APBA1: variants seen among roughly 807,000 people sequenced by gnomAD.
The protein encoded by APBA1 is amyloid beta precursor protein binding family A member 1.
In APBA1, 55 loss-of-function variants were observed where a neutral mutation model predicts 86.6. The ratio of observed to expected loss-of-function variants is 0.64; its 90% CI spans 0.51 to 0.80. The LOEUF (loss-of-function observed/expected upper bound fraction) is 0.80. Among genes scored for constraint, APBA1 ranks in the 30% least tolerant of loss-of-function variants. The pLI, the probability that APBA1 is intolerant of heterozygous loss-of-function variation, is 0.00. For missense variants in APBA1, 1,090 were observed against 1,183.0 expected, an observed-to-expected ratio of 0.92 and a Z score of 1.15; for synonymous variants, 511 against 493.9, an observed-to-expected ratio of 1.03 and a Z score of -0.46.
chr9:69,576,720 C>G (rs918713944), intron 1 of APBA1, among the ~76,000 whole-genome samples: 1 of 151,632 alleles, frequency 6.6e-6, no homozygotes, highest in African/African-American at 2.4e-5. Flanking sequence ...GTAGGGGGAG[C>G]GGGGAGGGAT....
intron 10 of APBA1, among the ~76,000 whole-genome samples, chr9:69,441,657 T>C (rs1834826594): frequency 6.6e-6 from 1 of 152,142 alleles, no homozygotes; most frequent in Non-Finnish European, 1.5e-5. Context: ...CAGTTAGAGA[T>C]TTTATAGCTG....
intron 1 of APBA1, among the ~76,000 whole-genome samples, chr9:69,543,647 T>C (rs1836654161): frequency 6.6e-6 from 1 of 152,206 alleles, no homozygotes; most frequent in Non-Finnish European, 1.5e-5. Flanking sequence ...TAGGAACTAG[T>C]TGTTATATTA....
At chr9:69,511,511 G>A (rs1414128871) in intron 2 of APBA1, among the ~76,000 whole-genome samples, 1 of 152,022 alleles carries the variant, frequency 6.6e-6, no homozygotes, top group Non-Finnish European at 1.5e-5. Flanking sequence ...GGAAGTCAGT[G>A]TGGCGATTCC....
chr9:69,439,646 G>T (rs1275182354), intron 11 of APBA1, among the ~76,000 whole-genome samples: 1 of 152,102 alleles, frequency 6.6e-6, no homozygotes, highest in Admixed American at 6.5e-5. Flanking sequence ...GGTCCTTTAA[G>T]GACTTCTCTG....
intron 1 of APBA1, among the ~76,000 whole-genome samples, chr9:69,657,143 C>T (rs1335671475): frequency 6.6e-6 from 1 of 152,086 alleles, no homozygotes; most frequent in Non-Finnish European, 1.5e-5. Context: ...CCGCGCCCGG[C>T]CTAACCGGGA....
At chr9:69,545,762 A>G (rs537091220) in intron 1 of APBA1, among the ~76,000 whole-genome samples, 33 of 152,328 alleles carry the variant, frequency 2.2e-4, no homozygotes, top group African/African-American at 7.9e-4. Flanking sequence ...TGATGATTTT[A>G]TAATGTCCTG....
intron 2 of APBA1, among the ~76,000 whole-genome samples, chr9:69,500,290 G>A (rs967494599): frequency 2.0e-5 from 3 of 152,102 alleles, no homozygotes; most frequent in African/African-American, 7.2e-5. Flanking sequence ...AATGTTAAGT[G>A]AGCTTTGACT....
intron 5 of APBA1, chr9:69,463,167 G>T (rs1473784715): frequency 6.6e-6 from 1 of 152,170 alleles, no homozygotes; most frequent in Non-Finnish European, 1.5e-5. Flanking sequence ...AATTGTGGTA[G>T]ATGGAAAAGC....
intron 1 of APBA1, among the ~76,000 whole-genome samples, chr9:69,626,049 A>C (rs1455515970): frequency 6.6e-6 from 1 of 152,198 alleles, no homozygotes; most frequent in Non-Finnish European, 1.5e-5. Context: ...AGGAAAAAGC[A>C]ATTTGTTAAG....
chr9:69,528,959 C>G (rs1564067794), intron 1 of APBA1, among the ~76,000 whole-genome samples: 2 of 151,898 alleles, frequency 1.3e-5, no homozygotes, highest in South Asian at 4.2e-4. Flanking sequence ...AAATTTACTG[C>G]TATTGTTATG....
chr9:69,517,159 C>T lies in APBA1; in HGVS notation c.52G>A (p.Gly18Ser), dbSNP rs1836178278. ...AEVEVTDEAA[G>S]GEVNESVEAD... ...TCCACCGACTCGTTCACCTCCCCAC[C>T]TGCCGCCTCGTCGGTCACCTCCACC... The change falls in exon 2 of 13, where the codon GGT (glycine) becomes AGT (serine). Residue 18 changes from glycine (G) to serine (S), a missense_variant. By Grantham distance (56) the Gly-to-Ser change is moderately conservative. Around this residue, in one of 6 missense-constraint regions of APBA1, gnomAD observed 678 missense variants for 647.1 expected, o/e 1.05. Coordinates refer to ENST00000265381, the MANE Select transcript of APBA1 (RefSeq NM_001163.4). 1 of 1,559,882 alleles carries T rather than the reference C, an allele frequency of 6.4e-7. No individual in the cohort carries two copies. The highest frequency in any genetic ancestry group is 1.9e-5 in the Admixed American group (1 of 53,172).
chr9:69,619,526 GT>G (rs1329854845), intron 1 of APBA1, among the ~76,000 whole-genome samples: 1 of 152,140 alleles, frequency 6.6e-6, no homozygotes, highest in Non-Finnish European at 1.5e-5. Context: ...AAAACTCAAA[GT>G]ATGCAGATGG....
At chr9:69,457,641 C>T (rs1054351790) in intron 6 of APBA1, among the ~76,000 whole-genome samples, 1 of 152,082 alleles carries the variant, frequency 6.6e-6, no homozygotes, top group Non-Finnish European at 1.5e-5. Context: ...CAGAAGCAGT[C>T]CTGAAGCCAC....
intron 1 of APBA1, among the ~76,000 whole-genome samples, chr9:69,545,848 T>C (rs574736143): frequency 6.6e-6 from 1 of 152,338 alleles, no homozygotes; most frequent in Admixed American, 6.5e-5. Flanking sequence ...AAGATATTTT[T>C]GCCAATTAAC....
chr9:69,441,096 C>T lies in APBA1; in HGVS notation c.2201G>A (p.Arg734Gln), dbSNP rs777572294. 1.2e-5 allele frequency: 19 copies of T among 1,613,872 alleles called. No homozygotes were observed. Among genetic ancestry groups the T allele is most frequent in the South Asian group, 6.6e-5 (6 of 91,056 alleles). The stretch of plus-strand genomic sequence containing the variant: ...ACATCTCACGATATTCAGCTTGACT[C>T]GGGACTGATTCTTTAAGCCCTTAAA... ...SIIKGLKNQS[R>Q]VKLNIVRCPP... is the part of the protein sequence containing the mutation. Residue 734 changes from arginine to glutamine, a missense_variant, in exon 11 of 13, where the codon CGA (arginine) becomes CAA (glutamine). Coordinates refer to ENST00000265381, the MANE Select transcript of APBA1 (RefSeq NM_001163.4).
rs933870139 is a variant in APBA1 at position 69,428,348 on chromosome 9, T to C, written c.*2979A>G. ...GCCATGCACTCCTAGGAGCCTGCTC[T>C]GGCGAGGGAAGGTGTCGCTGGAGAA... On this transcript the variant is annotated 3_prime_UTR_variant, in exon 13 of 13. Transcript: ENST00000265381. The C allele has an allele frequency of 6.6e-6, 1 of 152,284 alleles. No individual in the cohort carries two copies. Among genetic ancestry groups the C allele is most frequent in the African/African-American group, 2.4e-5 (1 of 41,440 alleles). 9.4% of individuals were successfully genotyped at this position (152,284 alleles called of 1,614,324 possible).
intron 2 of APBA1, among the ~76,000 whole-genome samples, chr9:69,487,780 G>A (rs1030680179): frequency 3.3e-5 from 5 of 151,902 alleles, no homozygotes; most frequent in Non-Finnish European, 5.9e-5. Context: ...CTCCAACTTG[G>A]ACTTCCCAGC....
At chr9:69,506,108 G>C (rs1835958276) in intron 2 of APBA1, among the ~76,000 whole-genome samples, 1 of 151,960 alleles carries the variant, frequency 6.6e-6, no homozygotes, top group Non-Finnish European at 1.5e-5. Flanking sequence ...CTCCCAGCGA[G>C]AGCGACACAG....
chr9:69,640,959 A>G (rs1823275433), intron 1 of APBA1, among the ~76,000 whole-genome samples: 1 of 25,126 alleles, frequency 4.0e-5, no homozygotes, highest in South Asian at 2.1e-3. Flanking sequence ...AGAAAGAGAA[A>G]GAGAGAGAGA....
Sources: gnomAD v4.1 joint callset for allele counts (sites outside exome capture counted in the v4.1 genomes callset) on GRCh38, gnomAD v4.1.1 for gene constraint, gnomAD v4.1.1 regional missense constraint, MANE v1.5 for transcripts, NCBI Gene and HGNC (gene_info 2026-07-23, HGNC 2026-07-21) for gene names.